The following RAPGEF4 variants were observed in gnomAD, a reference collection of about 807,000 sequenced individuals.
RAPGEF4 encodes the protein Rap guanine nucleotide exchange factor 4.
Under a neutral mutation model 147.9 loss-of-function variants are expected in RAPGEF4, and 66 were observed. The ratio of observed to expected loss-of-function variants is 0.45; its 90% CI spans 0.37 to 0.55. The LOEUF (loss-of-function observed/expected upper bound fraction) is 0.55. RAPGEF4 is among the 20% of genes least tolerant of loss of function. RAPGEF4 has a pLI of 0.00. For synonymous variants in RAPGEF4, 419 were observed against 442.7 expected, an observed-to-expected ratio of 0.95 and a Z score of 0.67; for missense variants, 1,071 against 1,257.3, an observed-to-expected ratio of 0.85 and a Z score of 2.24.
intron 4 of RAPGEF4, among the ~76,000 whole-genome samples, chr2:172,883,661 CAGA>C (rs1559096198): frequency 1.3e-5 from 2 of 152,090 alleles, no homozygotes; most frequent in Admixed American, 6.6e-5. Context: ...AAGTTTTACC[CAGA>C]AGATGTTTTT....
intron 4 of RAPGEF4, among the ~76,000 whole-genome samples, chr2:172,892,399 G>A (rs779051487): frequency 1.3e-5 from 2 of 152,144 alleles, no homozygotes; most frequent in Non-Finnish European, 2.9e-5. Context: ...TTCCATTTCA[G>A]CTGCCACTGT....
At chr2:172,850,479 A>G (rs1010144708) in intron 4 of RAPGEF4, among the ~76,000 whole-genome samples, 3 of 152,048 alleles carry the variant, frequency 2.0e-5, no homozygotes, top group Non-Finnish European at 4.4e-5. Context: ...TTAGCCGGGC[A>G]TGGTGGCGGG....
intron 4 of RAPGEF4, among the ~76,000 whole-genome samples, chr2:172,834,047 C>G (rs993686761): frequency 6.6e-6 from 1 of 152,106 alleles, no homozygotes; most frequent in Non-Finnish European, 1.5e-5. Flanking sequence ...AGACGCAATT[C>G]CCAGCACTTA....
At chr2:173,047,364 A>G (rs1228075533) in intron 29 of RAPGEF4, among the ~76,000 whole-genome samples, 1 of 152,238 alleles carries the variant, frequency 6.6e-6, no homozygotes, top group Admixed American at 6.5e-5. Flanking sequence ...CAAAGAAGTT[A>G]AGATGATCAC....
rs1683863178 is a variant in RAPGEF4 at position 172,773,646 on chromosome 2, C to CTCCCTG, written c.66-21379_66-21378insTCCCTG. Among the ~76,000 whole-genome samples the CTCCCTG allele has an allele frequency of 4.0e-5, 6 of 151,602 alleles. No homozygotes were observed. In the South Asian group the frequency reaches 6.3e-4, roughly 16 times the overall value. ...ACACTGCCTCCCTGCCCCACACTGC[C>CTCCCTG]CCCCCCGCGGACCATCCTACCCAAC... On this transcript the variant is annotated intron_variant, in intron 1 of 30. Coordinates refer to ENST00000397081, the MANE Select transcript of RAPGEF4 (RefSeq NM_007023.4).
intron 3 of RAPGEF4, among the ~76,000 whole-genome samples, chr2:172,799,236 T>C (rs140097141): frequency 6.0e-4 from 91 of 152,308 alleles, no homozygotes; most frequent in African/African-American, 2.1e-3. Context: ...AAGTCAACCA[T>C]GAGGTAGGTC....
At chr2:172,879,280 C>A (rs1696333275) in intron 4 of RAPGEF4, among the ~76,000 whole-genome samples, 1 of 152,148 alleles carries the variant, frequency 6.6e-6, no homozygotes, top group African/African-American at 2.4e-5. Context: ...CCAAGACACA[C>A]TGCTAATGCC....
chr2:172,841,033 T>A (rs1189608928), intron 4 of RAPGEF4, among the ~76,000 whole-genome samples: 1 of 152,210 alleles, frequency 6.6e-6, no homozygotes, highest in Non-Finnish European at 1.5e-5. Flanking sequence ...TATTTTGAGA[T>A]CCTGATGAAA....
chr2:172,814,745 A>T (rs1688342933), intron 4 of RAPGEF4: 1 of 330,474 alleles, frequency 3.0e-6, no homozygotes, highest in African/African-American at 2.1e-5. Context: ...CAGGGAACAA[A>T]ATACTTTGAC....
chr2:172,900,773 A>G (rs567119528), intron 4 of RAPGEF4, among the ~76,000 whole-genome samples: 22 of 152,286 alleles, frequency 1.4e-4, no homozygotes, highest in African/African-American at 5.1e-4. Flanking sequence ...ATATAACCAT[A>G]AGACGGTTGT....
At chr2:172,915,069 A>G (rs767202289) in intron 4 of RAPGEF4, among the ~76,000 whole-genome samples, 1 of 152,218 alleles carries the variant, frequency 6.6e-6, no homozygotes, top group African/African-American at 2.4e-5. Flanking sequence ...GCTACATAAG[A>G]ATGAATCTCC....
At chr2:172,982,521 A>G (rs1691793597) in intron 10 of RAPGEF4, among the ~76,000 whole-genome samples, 1 of 152,222 alleles carries the variant, frequency 6.6e-6, no homozygotes, top group Non-Finnish European at 1.5e-5. Flanking sequence ...AAAGCAACAA[A>G]AAATTCAAGT....
intron 4 of RAPGEF4, among the ~76,000 whole-genome samples, chr2:172,826,647 A>G (rs1189263871): frequency 6.6e-6 from 1 of 152,214 alleles, no homozygotes; most frequent in South Asian, 2.1e-4. Flanking sequence ...TTTGTGAACA[A>G]CACCTTGAAA....
intron 17 of RAPGEF4, among the ~76,000 whole-genome samples, chr2:173,001,619 C>T (rs1007119663): frequency 1.3e-5 from 2 of 152,040 alleles, no homozygotes; most frequent in Non-Finnish European, 2.9e-5. Flanking sequence ...AAGAAATACC[C>T]GAGGCTGGGT....
chr2:172,777,306 A>G (rs1228051483), intron 1 of RAPGEF4, among the ~76,000 whole-genome samples: 2 of 152,100 alleles, frequency 1.3e-5, no homozygotes, highest in Non-Finnish European at 2.9e-5. Flanking sequence ...AACAATGTTT[A>G]TTGGGTATCT....
intron 4 of RAPGEF4, chr2:172,814,755 C>A (rs571389246): frequency 9.4e-6 from 3 of 317,758 alleles, no homozygotes; most frequent in African/African-American, 6.4e-5. Context: ...AATACTTTGA[C>A]ATTTTCTTTT....
chr2:172,897,173 G>A (rs928083415), intron 4 of RAPGEF4, among the ~76,000 whole-genome samples: 3 of 152,114 alleles, frequency 2.0e-5, no homozygotes, highest in African/African-American at 7.2e-5. Context: ...CTTCATTGAA[G>A]TGTAATTCAC....
chr2:172,940,307 G>A (rs1687020945), intron 6 of RAPGEF4, among the ~76,000 whole-genome samples: 1 of 152,056 alleles, frequency 6.6e-6, no homozygotes, highest in Non-Finnish European at 1.5e-5. Flanking sequence ...ATTTGATATA[G>A]TTTGGATGTT....
At chr2:172,762,236 T>C (rs928393762) in intron 1 of RAPGEF4, among the ~76,000 whole-genome samples, 3 of 152,192 alleles carry the variant, frequency 2.0e-5, no homozygotes, top group African/African-American at 7.2e-5. Flanking sequence ...ACGATGTTAG[T>C]TGGTGAGCAT....
Sources: gnomAD v4.1 joint callset for allele counts (sites outside exome capture counted in the v4.1 genomes callset) on GRCh38, gnomAD v4.1.1 for gene constraint, MANE v1.5 for transcripts, NCBI Gene and HGNC (gene_info 2026-07-23, HGNC 2026-07-21) for gene names.